Variants in PTPN4 observed in about 807,000 individuals in gnomAD.
PTPN4 encodes tyrosine-protein phosphatase non-receptor type 4.
PTPN4 carries 49 observed loss-of-function variants against 135.5 expected under a neutral mutation model. The observed-to-expected ratio is 0.36, with a 90% CI of 0.29 to 0.46. PTPN4 has a LOEUF of 0.46. Ranked by LOEUF, PTPN4 falls within the 20% of genes least tolerant of loss-of-function variation. The pLI, the probability that PTPN4 is intolerant of heterozygous loss-of-function variation, is 1.00. For missense variants in PTPN4, 860 were observed against 1,101.0 expected (o/e 0.78, Z 3.10); for synonymous variants, 333 against 369.9 (o/e 0.90, Z 1.14).
In PTPN4 at chr2:119,836,348, G is replaced by C. The variant is rs1043358814; in HGVS notation, c.139-26188G>C. On this transcript the variant is annotated intron_variant, in intron 2 of 26. Coordinates refer to ENST00000263708, the MANE Select transcript of PTPN4 (RefSeq NM_002830.4). Reference sequence around the variant, plus strand: ...TACACAGTAGAACTCTGGAACTGCTGATCAGGTCTTTCTTGTAGTTTAGGG... The same window carrying C: ...TACACAGTAGAACTCTGGAACTGCTCATCAGGTCTTTCTTGTAGTTTAGGG... Among the ~76,000 whole-genome samples, 12 of 152,340 alleles carry C rather than the reference G, an allele frequency of 7.9e-5. No homozygotes were observed. The East Asian group carries it at 1.5e-3, about 20-fold the overall frequency.
At chr2:119,768,188 A>G (rs934311290) in intron 1 of PTPN4, among the ~76,000 whole-genome samples, 1 of 151,900 alleles carries the variant, frequency 6.6e-6, no homozygotes, top group Non-Finnish European at 1.5e-5. Context: ...TTGTTGGTCA[A>G]ATTGTCCCAA....
chr2:119,932,355 T>A, intron 13 of PTPN4, 69 bp from the exon 14 acceptor site: 1 of 1,384,522 alleles, frequency 7.2e-7, no homozygotes, highest in Non-Finnish European at 9.7e-7. Flanking sequence ...AAACAAATTG[T>A]AGGATTTGAT....
chr2:119,914,248 ATTTTTT>A (rs55911315), intron 10 of PTPN4, among the ~76,000 whole-genome samples: 81 of 97,430 alleles, frequency 8.3e-4, no homozygotes, highest in African/African-American at 4.4e-3. Context: ...TAGTTACTCA[ATTTTTT>A]TTTTTTTTTT....
intron 23 of PTPN4, 125 bp from the exon 24 acceptor site, chr2:119,962,491 A>G: frequency 1.8e-6 from 1 of 557,328 alleles, no homozygotes; most frequent in South Asian, 7.4e-5. Context: ...TCGAGATGAA[A>G]TTTATTAAAT....
intron 10 of PTPN4, among the ~76,000 whole-genome samples, chr2:119,907,236 T>C (rs1678503093): frequency 6.6e-6 from 1 of 152,318 alleles, no homozygotes; most frequent in East Asian, 1.9e-4. Context: ...CAAAGCATTC[T>C]ACAGATTCAA....
chr2:119,784,761 C>T (rs1421876639), intron 1 of PTPN4, among the ~76,000 whole-genome samples: 1 of 135,006 alleles, frequency 7.4e-6, no homozygotes. Flanking sequence ...TGGTCTCGAA[C>T]TCCTGAGCTC....
chr2:119,781,982 T>G (rs187443094), intron 1 of PTPN4, among the ~76,000 whole-genome samples: 4 of 152,332 alleles, frequency 2.6e-5, no homozygotes, highest in African/African-American at 2.4e-5. Flanking sequence ...TTACTCAATT[T>G]TAGGGAGAAA....
At chr2:119,772,577 G>C (rs903213699) in intron 1 of PTPN4, among the ~76,000 whole-genome samples, 3 of 152,112 alleles carry the variant, frequency 2.0e-5, no homozygotes, top group African/African-American at 7.2e-5. Context: ...TTGCTCTGTT[G>C]CCCAGGCTGG....
chr2:119,937,332 A>T (rs1244436252), intron 15 of PTPN4, among the ~76,000 whole-genome samples: 3 of 152,164 alleles, frequency 2.0e-5, no homozygotes, highest in Non-Finnish European at 4.4e-5. Flanking sequence ...GATTTTTTTT[A>T]AGGTTTTTCA....
chr2:119,920,078 A>G lies in PTPN4; in HGVS notation c.838A>G (p.Arg280Gly). Residue 280 changes from arginine to glycine, a missense_variant, in exon 12 of 27, where the codon AGA becomes GGA. By Grantham distance (125) the Arg-to-Gly change is moderately radical. Coordinates refer to ENST00000263708, the MANE Select transcript of PTPN4 (RefSeq NM_002830.4). The stretch of plus-strand genomic sequence containing the variant: ...TTGTCATTTATTACAGCATGAATCT[A>G]GAGAAACATTATTGGGATTTAATAT... ...IQLRKELHES[R>G]ETLLGFNMVN... 3 of 1,607,350 alleles carry G rather than the reference A, an allele frequency of 1.9e-6. No homozygotes were observed. The highest frequency in any genetic ancestry group is 2.5e-6 in the Non-Finnish European group (3 of 1,177,798).
intron 2 of PTPN4, among the ~76,000 whole-genome samples, chr2:119,836,420 T>TA (rs2104966714): frequency 6.6e-6 from 1 of 152,326 alleles, no homozygotes; most frequent in South Asian, 2.1e-4. Flanking sequence ...CCAAGACTAC[T>TA]AACTAGCCAA....
intron 2 of PTPN4, among the ~76,000 whole-genome samples, chr2:119,814,387 T>C (rs1417844421): frequency 6.6e-6 from 1 of 152,118 alleles, no homozygotes; most frequent in Non-Finnish European, 1.5e-5. Flanking sequence ...AGAGAGTAAA[T>C]CTCCAGTTCC....
chr2:119,867,123 G>T (rs1677844465), intron 3 of PTPN4, among the ~76,000 whole-genome samples: 1 of 152,092 alleles, frequency 6.6e-6, no homozygotes, highest in South Asian at 2.1e-4. Context: ...AAAAGGAGAA[G>T]GGGTAAAAGA....
Position 119,882,602 on chromosome 2 carries a change from C to A in PTPN4, c.566C>A (p.Ala189Glu), listed in dbSNP as rs767623727. 1 of 1,547,646 alleles carries A rather than the reference C, an allele frequency of 6.5e-7. No homozygotes were observed. Among genetic ancestry groups the A allele is most frequent in the Non-Finnish European group, 8.8e-7 (1 of 1,135,712 alleles). ...CCTCAAGATTTTGAAAAAGAAATTG[C>A]AAAATTACATCAGCAACACATGTAA... ...NQPQDFEKEIAKLHQQHIGLS... is the reference protein window; with the variant it reads ...NQPQDFEKEIEKLHQQHIGLS... The change falls in exon 8 of 27, where the codon GCA becomes GAA. Residue 189 changes from alanine to glutamate, a missense_variant. Coordinates refer to ENST00000263708, the MANE Select transcript of PTPN4 (RefSeq NM_002830.4).
intron 13 of PTPN4, among the ~76,000 whole-genome samples, chr2:119,930,257 T>C (rs992650604): frequency 6.6e-6 from 1 of 152,138 alleles, no homozygotes; most frequent in African/African-American, 2.4e-5. Flanking sequence ...TTAAAACTAA[T>C]AACATTCCAT....
intron 5 of PTPN4, among the ~76,000 whole-genome samples, chr2:119,879,756 G>A (rs1678043440): frequency 6.6e-6 from 1 of 152,122 alleles, no homozygotes. Flanking sequence ...TTCAGAACTA[G>A]TTTAGACCCC....
chr2:119,867,006 G>T (rs1229507051), intron 3 of PTPN4, among the ~76,000 whole-genome samples: 1 of 152,134 alleles, frequency 6.6e-6, no homozygotes, highest in Admixed American at 6.5e-5. Context: ...GTGCACAGAA[G>T]TGTTTAAGAA....
chr2:119,917,760 A>T (rs1425702597), intron 11 of PTPN4, among the ~76,000 whole-genome samples: 1 of 152,028 alleles, frequency 6.6e-6, no homozygotes, highest in Admixed American at 6.6e-5. Context: ...GAAAAAAAAG[A>T]CAGTATACAG....
chr2:119,901,632 G>T (rs2105015403), intron 10 of PTPN4, among the ~76,000 whole-genome samples: 1 of 152,184 alleles, frequency 6.6e-6, no homozygotes, highest in South Asian at 2.1e-4. Context: ...AACAAAGCAA[G>T]GATGAGAACC....
Sources: gnomAD v4.1 joint callset for allele counts (sites outside exome capture counted in the v4.1 genomes callset) on GRCh38, gnomAD v4.1.1 for gene constraint, MANE v1.5 for transcripts, NCBI Gene and HGNC (gene_info 2026-07-23, HGNC 2026-07-21) for gene names.